The following SLAIN2 variants were observed in gnomAD, a reference collection of about 807,000 sequenced individuals.
The protein encoded by SLAIN2 is SLAIN motif-containing protein 2.
SLAIN2 carries 31 observed loss-of-function variants against 56.6 expected under a neutral mutation model. The observed-to-expected ratio is 0.55, with a 90% CI of 0.41 to 0.74. The LOEUF is 0.74. Ranked by LOEUF, SLAIN2 falls within the 30% of genes least tolerant of loss-of-function variation. The pLI, the probability that SLAIN2 is intolerant of heterozygous loss-of-function variation, is 0.00. For synonymous variants in SLAIN2, 317 were observed against 284.9 expected (o/e 1.11, Z -1.13); for missense variants, 777 against 754.2 (o/e 1.03, Z -0.35).
At chr4:48,390,536 AGT>A (rs1169147100) in intron 6 of SLAIN2, among the ~76,000 whole-genome samples, 2 of 152,180 alleles carry the variant, frequency 1.3e-5, no homozygotes, top group Non-Finnish European at 2.9e-5. Context: ...TCATGAAACT[AGT>A]TATAGTACTA....
chr4:48,375,546 TATTA>T (rs1170308581), intron 2 of SLAIN2, among the ~76,000 whole-genome samples: 1 of 152,218 alleles, frequency 6.6e-6, no homozygotes, highest in Non-Finnish European at 1.5e-5. Flanking sequence ...CAGTCTAACT[TATTA>T]AACATCAAGA....
Position 48,422,404 on chromosome 4 carries a change from C to G in SLAIN2, c.*327C>G, listed in dbSNP as rs1717181385. ...CTAATGGATGCCAAAGAGAAATGCC[C>G]ATTTGTAAATGAGAAAAATGCCCAT... On this transcript the variant is annotated 3_prime_UTR_variant, in exon 8 of 8. Coordinates refer to ENST00000264313, the MANE Select transcript of SLAIN2 (RefSeq NM_020846.2). 1 of 213,242 alleles carries G rather than the reference C, an allele frequency of 4.7e-6. No homozygotes were observed. Among genetic ancestry groups the G allele is most frequent in the Non-Finnish European group, 9.4e-6 (1 of 106,752 alleles). The allele number at this position is 213,242 out of a possible 1,614,324, so 13.2% of individuals were successfully genotyped here.
At chr4:48,412,396 ACACACACACACAC>A (rs1560465812) in intron 6 of SLAIN2, among the ~76,000 whole-genome samples, 5 of 57,518 alleles carry the variant, frequency 8.7e-5, no homozygotes, top group African/African-American at 2.7e-4. Flanking sequence ...ACACACACAC[ACACACACACACAC>A]ACACACATTC....
chr4:48,346,427 T>G (rs1447670609), intron 1 of SLAIN2, among the ~76,000 whole-genome samples: 1 of 152,230 alleles, frequency 6.6e-6, no homozygotes, highest in Non-Finnish European at 1.5e-5. Context: ...ACACTTCAAA[T>G]TCATACTGAC....
chr4:48,417,990 A>AGT (rs371071076), intron 6 of SLAIN2, among the ~76,000 whole-genome samples: 172 of 151,894 alleles, frequency 1.1e-3, no homozygotes, highest in Non-Finnish European at 1.7e-3. Flanking sequence ...TATTTCTAGA[A>AGT]GTGTGTGTGT....
chr4:48,394,602 C>G, intron 6 of SLAIN2: 3 of 1,535,910 alleles, frequency 2.0e-6, no homozygotes, highest in Non-Finnish European at 2.6e-6. Flanking sequence ...AAATTTGCCT[C>G]GCACTTCCCT....
At chr4:48,410,585 G>A (rs1401446519) in intron 6 of SLAIN2, among the ~76,000 whole-genome samples, 6 of 152,116 alleles carry the variant, frequency 3.9e-5, no homozygotes, top group South Asian at 2.1e-4. Context: ...TTTCCCCTTC[G>A]GTACTTGGAG....
At position 48,396,755 on chromosome 4, in the gene SLAIN2, A is replaced by G. The variant is rs181288067; in HGVS notation, c.1360+12971A>G. On this transcript the variant is annotated intron_variant, in intron 6 of 7. Coordinates refer to ENST00000264313, the MANE Select transcript of SLAIN2 (RefSeq NM_020846.2). ...CTGTACAATTGTCTAGAAAGCTAAT[A>G]TATCGTAGGGGTGACAGGATCATGG... is the stretch of plus-strand genomic sequence containing the variant. Among the ~76,000 whole-genome samples the G allele has an allele frequency of 3.9e-4, 59 of 152,308 alleles. 1 individual carries two copies. In the East Asian group the frequency reaches 0.011, roughly 28 times the overall value.
At chr4:48,387,531 G>A (rs1009176829) in intron 6 of SLAIN2, 1 of 151,552 alleles carries the variant, frequency 6.6e-6, no homozygotes, top group African/African-American at 2.4e-5. Flanking sequence ...GAGAAAGTAA[G>A]GTACCATGTT....
intron 2 of SLAIN2, among the ~76,000 whole-genome samples, chr4:48,372,938 A>AAGTGCTGT (rs1491427091): frequency 6.6e-6 from 1 of 152,026 alleles, no homozygotes; most frequent in African/African-American, 2.4e-5. Flanking sequence ...CTAGGAACTT[A>AAGTGCTGT]AGTGCTGTAT....
In SLAIN2 at chr4:48,410,692, CT is replaced by C. The variant is rs548952226; in HGVS notation, c.1361-9431del. ...GCAGCACCAGCACCAGGACCATGCT[CT>C]TCTATTCCTTTTTCAATCCCTGTGG... On this transcript the variant is annotated intron_variant, in intron 6 of 7. Coordinates refer to ENST00000264313, the MANE Select transcript of SLAIN2 (RefSeq NM_020846.2). Among the ~76,000 whole-genome samples, 206 of 152,320 alleles carry C rather than the reference CT, an allele frequency of 1.4e-3. 2 individuals are homozygous for C. Among genetic ancestry groups the C allele is most frequent in the Non-Finnish European group, 8.8e-5 (6 of 68,042 alleles).
chr4:48,352,096 GT>G (rs1342043341), intron 1 of SLAIN2, among the ~76,000 whole-genome samples: 3 of 147,408 alleles, frequency 2.0e-5, no homozygotes, highest in Non-Finnish European at 4.5e-5. Context: ...TAGGAGGAGA[GT>G]TTTTGAATAT....
chr4:48,406,521 CTCTCTT>C (rs976885938), intron 6 of SLAIN2, among the ~76,000 whole-genome samples: 4 of 119,382 alleles, frequency 3.4e-5, no homozygotes, highest in African/African-American at 5.8e-5. Context: ...TATGCTCTCT[CTCTCTT>C]TTTTTTTTTT....
rs1215728935 is a variant in SLAIN2 at position 48,424,041 on chromosome 4, T to C, written c.*1964T>C. ...AATAATTAAAAGGAATTTTACCTAT[T>C]ATGAAACATATTACATTTTTTAAGT... On this transcript the variant is annotated 3_prime_UTR_variant, in exon 8 of 8. Transcript: ENST00000264313. 6.6e-6 allele frequency: 1 copy of C among 152,204 alleles called. No individual in the cohort carries two copies. The highest frequency in any genetic ancestry group is 1.9e-4 in the East Asian group (1 of 5,204). 9.4% of individuals were successfully genotyped at this position (152,204 alleles called of 1,614,324 possible).
chr4:48,349,407 G>C (rs1046331952), intron 1 of SLAIN2, among the ~76,000 whole-genome samples: 8 of 152,222 alleles, frequency 5.3e-5, no homozygotes, highest in Non-Finnish European at 1.2e-4. Flanking sequence ...GCTTATGCCA[G>C]TTACAGATGA....
chr4:48,363,549 G>C (rs1425687989), intron 1 of SLAIN2, among the ~76,000 whole-genome samples: 2 of 86,726 alleles, frequency 2.3e-5, no homozygotes, highest in South Asian at 5.4e-4. Context: ...TCCCAGACGG[G>C]GCGGCTGGCC....
At chr4:48,348,734 G>C (rs1246435609) in intron 1 of SLAIN2, among the ~76,000 whole-genome samples, 1 of 151,086 alleles carries the variant, frequency 6.6e-6, no homozygotes, top group African/African-American at 2.4e-5. Flanking sequence ...AGAGTGCTAA[G>C]CTTAAGTGTG....
intron 2 of SLAIN2, 143 bp from the exon 3 acceptor site, chr4:48,377,753 A>C: frequency 1.3e-6 from 1 of 777,460 alleles, no homozygotes; most frequent in African/African-American, 1.8e-5. Flanking sequence ...TGGGATTATT[A>C]TATTTTTTCC....
intron 1 of SLAIN2, among the ~76,000 whole-genome samples, chr4:48,350,382 A>G (rs565107459): frequency 2.8e-4 from 42 of 152,356 alleles, no homozygotes; most frequent in African/African-American, 1.0e-3. Context: ...TGCTAGGAAC[A>G]TATCTATAAC....
Sources: allele counts gnomAD v4.1 joint callset (sites outside exome capture counted in the v4.1 genomes callset), GRCh38; gene constraint gnomAD v4.1.1; transcripts MANE v1.5; gene names NCBI Gene and HGNC (gene_info 2026-07-23, HGNC 2026-07-21).